RINT1: variants seen among roughly 807,000 people sequenced by gnomAD.
The protein encoded by RINT1 is RAD50-interacting protein 1.
Under a neutral mutation model 97.7 loss-of-function variants are expected in RINT1, and 75 were observed. The ratio of observed to expected loss-of-function variants is 0.77; its 90% CI spans 0.64 to 0.93. The LOEUF (loss-of-function observed/expected upper bound fraction) is 0.93, where lower values mean the gene tolerates loss of function less well. Among genes scored for constraint, RINT1 ranks in the 40% least tolerant of loss-of-function variants. RINT1 has a pLI of 0.00. For synonymous variants in RINT1, 303 were observed against 326.3 expected (o/e 0.93, Z 0.77); for missense variants, 892 against 925.2 (o/e 0.96, Z 0.47).
intron 3 of RINT1, among the ~76,000 whole-genome samples, chr7:105,539,109 G>C (rs1048141263): frequency 6.6e-6 from 1 of 151,996 alleles, no homozygotes; most frequent in Admixed American, 6.6e-5. Context: ...TTTCCCTAAT[G>C]ACCACAGAAA....
chr7:105,535,742 T>G (rs1790205599), intron 2 of RINT1: 1 of 338,622 alleles, frequency 3.0e-6, no homozygotes, highest in Non-Finnish European at 5.9e-6. Flanking sequence ...CTTGCTTTGT[T>G]GCCTAGGCTG....
intron 1 of RINT1, 97 bp downstream of exon 1, chr7:105,532,454 A>G (rs936840289): frequency 7.4e-7 from 1 of 1,356,444 alleles, no homozygotes; most frequent in Non-Finnish European, 1.0e-6. Flanking sequence ...GTGGCCCTGT[A>G]AGCTTGTGAA....
chr7:105,535,299 G>A (rs959487032), intron 2 of RINT1, among the ~76,000 whole-genome samples: 3 of 146,920 alleles, frequency 2.0e-5, no homozygotes, highest in Non-Finnish European at 4.5e-5. Flanking sequence ...GCGTGATCTC[G>A]GCTCACTGCA....
At chr7:105,557,878 A>G (rs1791251525) in intron 11 of RINT1, among the ~76,000 whole-genome samples, 1 of 152,216 alleles carries the variant, frequency 6.6e-6, no homozygotes, top group Non-Finnish European at 1.5e-5. Context: ...TCTGTCTGGG[A>G]CTTAGTAATT....
In RINT1 at chr7:105,536,705, C is replaced by G; in HGVS notation, c.229C>G (p.Leu77Val). Residue 77 changes from leucine (L) to valine (V), a missense_variant, in exon 3 of 15, where the codon CTC becomes GTC. Physicochemically the swap from Leu to Val is conservative, Grantham distance 32. Transcript: ENST00000257700. ...DLKSLKKLDK[L>V]IEQRTVSKMQ... is the part of the protein sequence containing the mutation. ...TAAATCTTTAAAGAAACTTGATAAA[C>G]TCATAGAACAGAGGACAGTAAGTAA... is the stretch of plus-strand genomic sequence containing the variant. 6.2e-7 allele frequency: 1 copy of G among 1,611,022 alleles called. No individual in the cohort carries two copies. Among genetic ancestry groups the G allele is most frequent in the African/African-American group, 1.3e-5 (1 of 74,892 alleles).
At chr7:105,540,810 C>T (rs970890938) in intron 3 of RINT1, among the ~76,000 whole-genome samples, 1 of 151,174 alleles carries the variant, frequency 6.6e-6, no homozygotes, top group African/African-American at 2.4e-5. Flanking sequence ...TATAGATGCT[C>T]AGCCTGTTAG....
Position 105,567,143 on chromosome 7 carries a change from G to T in RINT1, c.2211G>T (p.Leu737Phe). 1.3e-6 allele frequency: 2 copies of T among 1,579,212 alleles called. No homozygotes were observed. The highest frequency in any genetic ancestry group is 2.4e-5 in the South Asian group (2 of 84,494). Residue 737 changes from leucine (L) to phenylalanine (F), a missense_variant, in exon 15 of 15, where the codon TTG (leucine) becomes TTT (phenylalanine). Coordinates refer to ENST00000257700, the MANE Select transcript of RINT1 (RefSeq NM_021930.6). ...GTATAAAAGAAGCCTGTATTGTTTT[G>T]AATTTGAACGTCGGTTCTGCACTAC... ...FKHIKEACIV[L>F]NLNVGSALLL...
At chr7:105,554,895 GA>G (rs1490470131) in intron 10 of RINT1, 132 bp from the exon 11 acceptor site, 1 of 676,598 alleles carries the variant, frequency 1.5e-6, no homozygotes, top group Admixed American at 2.8e-5. Context: ...AGAGAGCTCA[GA>G]AATAAATCCA....
chr7:105,538,963 A>G (rs560155728), intron 3 of RINT1, among the ~76,000 whole-genome samples: 1 of 152,302 alleles, frequency 6.6e-6, no homozygotes, highest in Non-Finnish European at 1.5e-5. Flanking sequence ...ATAAAACCTT[A>G]ACAAAGAAAC....
intron 10 of RINT1, among the ~76,000 whole-genome samples, chr7:105,552,666 C>T (rs1347437969): frequency 2.5e-5 from 2 of 80,042 alleles, no homozygotes; most frequent in South Asian, 5.8e-4. Context: ...TAAATAATTC[C>T]TTTTTTTTTT....
In RINT1 at chr7:105,550,244, T is replaced by G. The variant is rs1790867467; in HGVS notation, c.1108-17T>G. The G allele has an allele frequency of 6.2e-7, 1 of 1,611,722 alleles. No individual in the cohort carries two copies. Among genetic ancestry groups the G allele is most frequent in the African/African-American group, 1.3e-5 (1 of 74,838 alleles). On this transcript the variant is annotated splice_polypyrimidine_tract_variant and intron_variant, in intron 8 of 14. Coordinates refer to ENST00000257700, the MANE Select transcript of RINT1 (RefSeq NM_021930.6). ...TAACTTTTTATTTACATACCTCATGTTTGTGTATTTTTTTAGCTTGAATTT... is the reference window on the plus strand; with the variant it reads ...TAACTTTTTATTTACATACCTCATGGTTGTGTATTTTTTTAGCTTGAATTT...
chr7:105,550,289 T>A lies in RINT1; in HGVS notation c.1136T>A (p.Leu379Gln). ...GAATTTTCTCGGGGCCTTATGATGC[T>A]GGTTCTTGAGAAGTTAGCCACTGAT... is the stretch of plus-strand genomic sequence containing the variant. ...RLEFSRGLMMLVLEKLATDIP... is the reference protein window; with the variant it reads ...RLEFSRGLMMQVLEKLATDIP... The change falls in exon 9 of 15, where the codon CTG becomes CAG. Residue 379 changes from leucine to glutamine, a missense_variant. Physicochemically the swap from Leu to Gln is moderately radical, Grantham distance 113. Transcript: ENST00000257700. The A allele has an allele frequency of 2.5e-6, 4 of 1,614,154 alleles. No homozygotes were observed. Among genetic ancestry groups the A allele is most frequent in the Non-Finnish European group, 3.4e-6 (4 of 1,180,022 alleles).
At chr7:105,552,506 G>A (rs529847408) in intron 10 of RINT1, among the ~76,000 whole-genome samples, 18 of 152,004 alleles carry the variant, frequency 1.2e-4, no homozygotes, top group South Asian at 2.1e-4. Flanking sequence ...AGCCAATCAC[G>A]TTGCCCCCTT....
chr7:105,534,509 G>A (rs1045830685), intron 2 of RINT1, among the ~76,000 whole-genome samples: 4 of 151,286 alleles, frequency 2.6e-5, no homozygotes, highest in Non-Finnish European at 4.4e-5. Flanking sequence ...TTTAAAAAAG[G>A]CATTGTGAGT....
chr7:105,546,847 C>G (rs1043967048), intron 4 of RINT1, 63 bp from the exon 5 acceptor site: 1 of 1,274,630 alleles, frequency 7.8e-7, no homozygotes. Context: ...TGCACTCCAA[C>G]CTGGGCAACA....
intron 2 of RINT1, among the ~76,000 whole-genome samples, chr7:105,533,480 A>G (rs1562837410): frequency 6.6e-6 from 1 of 152,110 alleles, no homozygotes; most frequent in Non-Finnish European, 1.5e-5. Flanking sequence ...AGGGCTCTTT[A>G]GGGACCTTTG....
intron 11 of RINT1, 101 bp from the exon 12 acceptor site, chr7:105,563,632 G>A (rs1586266556): frequency 6.8e-6 from 7 of 1,028,998 alleles, no homozygotes; most frequent in South Asian, 4.7e-5. Flanking sequence ...GTGCCCGGTC[G>A]AATTATACAC....
intron 2 of RINT1, among the ~76,000 whole-genome samples, chr7:105,534,903 A>C (rs937319186): frequency 8.5e-5 from 13 of 152,186 alleles, no homozygotes; most frequent in Non-Finnish European, 1.5e-4. Context: ...GGGTGGAGAC[A>C]GGAACATACT....
At chr7:105,551,944 T>G (rs1436758520) in intron 10 of RINT1, among the ~76,000 whole-genome samples, 1 of 152,102 alleles carries the variant, frequency 6.6e-6, no homozygotes, top group Non-Finnish European at 1.5e-5. Flanking sequence ...GGTGTGTGCC[T>G]GTAGTCCCAG....
Sources: gnomAD v4.1 joint callset for allele counts (sites outside exome capture counted in the v4.1 genomes callset) on GRCh38, gnomAD v4.1.1 for gene constraint, MANE v1.5 for transcripts, NCBI Gene and HGNC (gene_info 2026-07-23, HGNC 2026-07-21) for gene names.